STXBP6: variants seen among roughly 807,000 people sequenced by gnomAD.
The protein encoded by STXBP6 is syntaxin-binding protein 6.
STXBP6 carries 21 observed loss-of-function variants against 26.9 expected under a neutral mutation model. The ratio of observed to expected loss-of-function variants is 0.78; its 90% CI spans 0.55 to 1.12. The LOEUF (loss-of-function observed/expected upper bound fraction) is 1.12. Among genes scored for constraint, STXBP6 ranks in the 50% most tolerant of loss-of-function variants. The pLI is 0.00. For missense variants in STXBP6, 232 were observed against 257.9 expected (o/e 0.90, Z 0.69); for synonymous variants, 97 against 92.6 (o/e 1.05, Z -0.27).
intron 5 of STXBP6, among the ~76,000 whole-genome samples, chr14:24,813,960 A>G (rs1234029762): frequency 6.6e-6 from 1 of 152,164 alleles, no homozygotes; most frequent in Non-Finnish European, 1.5e-5. Context: ...GGACCTTTGG[A>G]CCAGTCCTCA....
intron 1 of STXBP6, among the ~76,000 whole-genome samples, chr14:24,981,331 C>T (rs1372541933): frequency 1.3e-5 from 2 of 151,864 alleles, no homozygotes; most frequent in African/African-American, 4.8e-5. Context: ...GGTGCAGTGG[C>T]ACCATCTTGG....
intron 2 of STXBP6, among the ~76,000 whole-genome samples, chr14:24,859,086 G>A (rs897554482): frequency 1.3e-5 from 2 of 152,158 alleles, no homozygotes; most frequent in South Asian, 2.1e-4. Context: ...TTGCGGGCAT[G>A]TTTTAAGATT....
Position 25,049,084 on chromosome 14 carries a change from G to A in STXBP6, c.-33+794C>T, listed in dbSNP as rs553284095. On this transcript the variant is annotated intron_variant, in intron 1 of 5. Transcript: ENST00000323944. This position sits in a 1 kb window ranked among gnomAD's most constrained non-coding sequence, Gnocchi z 5.6. ...CCGGGGACTTTCTCCTAAAGAACAA[G>A]ATGTCTTTCCAAATTCTCCACCTGC... 2,224 of 900,660 alleles carry A rather than the reference G, an allele frequency of 2.5e-3. 3 individuals carry two copies. Among genetic ancestry groups the A allele is most frequent in the Non-Finnish European group, 2.8e-3 (2,112 of 752,550 alleles). The allele number at this position is 900,660 out of a possible 1,614,324, so 55.8% of individuals were successfully genotyped here. A position where few individuals can be genotyped will look rare whatever the true frequency, so the allele number is the denominator to read the frequency against.
At chr14:24,863,188 C>T (rs552966759) in intron 2 of STXBP6, among the ~76,000 whole-genome samples, 1 of 152,176 alleles carries the variant, frequency 6.6e-6, no homozygotes, top group African/African-American at 2.4e-5. Flanking sequence ...GGCTTGAGTT[C>T]CCCACTGCCC....
intron 2 of STXBP6, among the ~76,000 whole-genome samples, chr14:24,898,654 G>T (rs1332348423): frequency 1.3e-5 from 2 of 152,060 alleles, no homozygotes; most frequent in African/African-American, 2.4e-5. Context: ...TCCAGACTGG[G>T]CAATAGAGGG....
In STXBP6 at chr14:24,855,939, C is replaced by T. The variant is rs773392153; in HGVS notation, c.448G>A (p.Gly150Arg). ...EFINCQSKIM[G>R]GNSILHSAAD... ...AGTCACACAAATGTCCACTCACCTC[C>T]CATAATTTTGGATTGGCAGTTAATA... The change falls in exon 4 of 6, where the codon GGA becomes AGA. Residue 150 changes from glycine (G) to arginine (R), a missense_variant. By Grantham distance (125) the Gly-to-Arg change is moderately radical (BLOSUM62 -2). Coordinates refer to ENST00000323944, the MANE Select transcript of STXBP6 (RefSeq NM_001394410.1). The T allele has an allele frequency of 3.1e-6, 5 of 1,600,170 alleles. No individual in the cohort carries two copies. Among genetic ancestry groups the T allele is most frequent in the Admixed American group, 3.5e-5 (2 of 56,960 alleles).
intron 1 of STXBP6, among the ~76,000 whole-genome samples, chr14:25,036,623 G>A (rs993652006): frequency 6.6e-6 from 1 of 152,160 alleles, no homozygotes; most frequent in Non-Finnish European, 1.5e-5. Flanking sequence ...GGGAGGCTGA[G>A]GCGGGCCGAT....
At chr14:25,016,127 G>A (rs952134885) in intron 1 of STXBP6, among the ~76,000 whole-genome samples, 3 of 152,086 alleles carry the variant, frequency 2.0e-5, no homozygotes, top group Non-Finnish European at 4.4e-5. Flanking sequence ...CTAACACCAT[G>A]CACGCTCAAT....
intron 2 of STXBP6, among the ~76,000 whole-genome samples, chr14:24,902,180 A>G (rs2071236290): frequency 6.6e-6 from 1 of 152,194 alleles, no homozygotes; most frequent in Non-Finnish European, 1.5e-5. Flanking sequence ...TGATTTAGCT[A>G]CAAGAATAGT....
chr14:24,910,399 T>C (rs946206917), intron 2 of STXBP6, among the ~76,000 whole-genome samples: 1 of 152,252 alleles, frequency 6.6e-6, no homozygotes, highest in Non-Finnish European at 1.5e-5. Context: ...CATTGCCTGG[T>C]ATCCCTGCAG....
At chr14:24,922,384 C>T (rs944744215) in intron 2 of STXBP6, among the ~76,000 whole-genome samples, 1 of 152,128 alleles carries the variant, frequency 6.6e-6, no homozygotes. Context: ...CAAATGTGTT[C>T]TTAACACTGT....
chr14:24,852,592 A>G (rs2069192336), intron 4 of STXBP6, among the ~76,000 whole-genome samples: 1 of 152,116 alleles, frequency 6.6e-6, no homozygotes, highest in African/African-American at 2.4e-5. Context: ...GACAAACACA[A>G]AAAACAAAAA....
chr14:24,884,589 G>A (rs1200180037), intron 2 of STXBP6, among the ~76,000 whole-genome samples: 2 of 152,168 alleles, frequency 1.3e-5, no homozygotes, highest in Non-Finnish European at 2.9e-5. Flanking sequence ...GGCGGCATGC[G>A]CTGACATGGT....
At chr14:24,970,022 GC>G (rs1394434774) in intron 2 of STXBP6, among the ~76,000 whole-genome samples, 1 of 152,138 alleles carries the variant, frequency 6.6e-6, no homozygotes, top group Admixed American at 6.5e-5. Flanking sequence ...TGGACGGATG[GC>G]CTGAGGTCGG....
intron 2 of STXBP6, among the ~76,000 whole-genome samples, chr14:24,920,372 T>G (rs1304808563): frequency 6.6e-6 from 1 of 152,102 alleles, no homozygotes. Context: ...AAATATTTAC[T>G]CATAAAATAT....
chr14:25,047,445 A>G (rs2075744055), intron 1 of STXBP6, among the ~76,000 whole-genome samples: 1 of 152,226 alleles, frequency 6.6e-6, no homozygotes. Flanking sequence ...ATGAGCTAGT[A>G]AAATAATGGC....
intron 2 of STXBP6, among the ~76,000 whole-genome samples, chr14:24,961,184 C>T (rs2073524414): frequency 6.6e-6 from 1 of 151,952 alleles, no homozygotes; most frequent in African/African-American, 2.4e-5. Context: ...AACAAAATAC[C>T]ACATGTCACT....
chr14:25,022,156 G>A (rs2075273438), intron 1 of STXBP6, among the ~76,000 whole-genome samples: 1 of 152,178 alleles, frequency 6.6e-6, no homozygotes, highest in African/African-American at 2.4e-5. Flanking sequence ...AGAATGTATT[G>A]GCTAATTTAA....
intron 1 of STXBP6, among the ~76,000 whole-genome samples, chr14:25,015,534 G>GA (rs1012209744): frequency 0.013 from 1,996 of 148,600 alleles, 30 homozygotes; most frequent in African/African-American, 0.045. Flanking sequence ...TTATTTTTTA[G>GA]AAAAAAAAAA....
Sources: gnomAD v4.1 joint callset for allele counts (sites outside exome capture counted in the v4.1 genomes callset) on GRCh38, gnomAD v4.1.1 for gene constraint, Gnocchi (gnomAD v3.1) non-coding constraint, MANE v1.5 for transcripts, NCBI Gene and HGNC (gene_info 2026-07-23, HGNC 2026-07-21) for gene names.